COL27A1: variants seen among roughly 807,000 people sequenced by gnomAD.
COL27A1 encodes collagen type XXVII alpha 1 chain, also known as collagen alpha-1(XXVII) chain.
Under a neutral mutation model 251.3 loss-of-function variants are expected in COL27A1, and 106 were observed. That is an observed-to-expected ratio of 0.42 (90% confidence interval 0.36 to 0.50). The LOEUF (loss-of-function observed/expected upper bound fraction) is 0.50. COL27A1 is among the 20% of genes least tolerant of loss of function. The probability of loss-of-function intolerance (pLI) is 0.00; values close to 1 mark genes in which losing one functional copy is unlikely to be tolerated. For missense variants in COL27A1, 2,325 were observed against 2,522.8 expected (o/e 0.92, Z 1.68); for synonymous variants, 1,000 against 986.3 (o/e 1.01, Z -0.26).
chr9:114,269,401 A>G (rs958820295), intron 35 of COL27A1, 107 bp downstream of exon 35: 25 of 689,946 alleles, frequency 3.6e-5, no homozygotes, highest in Middle Eastern at 3.1e-4. Context: ...TTCCTCAGTT[A>G]CAGAAATAGA....
chr9:114,233,590 G>A (rs559091002), intron 16 of COL27A1, among the ~76,000 whole-genome samples: 12 of 152,332 alleles, frequency 7.9e-5, no homozygotes, highest in African/African-American at 2.4e-4. Context: ...AGTCATGGAC[G>A]AGAGAGAAAG....
At position 114,155,943 on chromosome 9, in the gene COL27A1, G is replaced by A; in HGVS notation, c.-8G>A. The A allele has an allele frequency of 7.9e-7, 1 of 1,264,564 alleles. No individual in the cohort carries two copies. The highest frequency in any genetic ancestry group is 1.0e-6 in the Non-Finnish European group (1 of 1,001,622). The allele number at this position is 1,264,564 out of a possible 1,614,324, so 78.3% of individuals were successfully genotyped here. On this transcript the variant is annotated 5_prime_UTR_variant, in exon 1 of 61. Coordinates refer to ENST00000356083, the MANE Select transcript of COL27A1 (RefSeq NM_032888.4). The surrounding 1 kb of genome is among the most constrained non-coding windows in gnomAD (Gnocchi z 5.5). ...CCCGGGCTCGGGAGCATGAAGTAGG[G>A]GCCTGCCATGGGAGCGGGATCGGCG...
At position 114,222,078 on chromosome 9, in the gene COL27A1, G is replaced by A. The variant is rs936165882; in HGVS notation, c.2422-145G>A. On this transcript the variant is annotated intron_variant, in intron 13 of 60. Transcript: ENST00000356083. ...GGTCCAAACTCCAGGCCAGGCTCAG[G>A]AAAGTCGCTGGAGCCTGTGGTCAGG... is the stretch of plus-strand genomic sequence containing the variant. 5 of 652,600 alleles carry A rather than the reference G, an allele frequency of 7.7e-6. No homozygotes were observed. The African/African-American group carries it at 8.9e-5, about 12-fold the overall frequency. 40.4% of individuals were successfully genotyped at this position (652,600 alleles called of 1,614,324 possible).
chr9:114,172,655 A>G (rs1849402035), intron 3 of COL27A1, among the ~76,000 whole-genome samples: 2 of 152,064 alleles, frequency 1.3e-5, no homozygotes, highest in African/African-American at 2.4e-5. Context: ...TTAGCCAGGC[A>G]TGGTGGTGTG....
Position 114,235,079 on chromosome 9 carries a change from C to CAAAAAAA in COL27A1, c.2566-506_2566-500dup, listed in dbSNP as rs34337576. Among the ~76,000 whole-genome samples, 5 of 88,228 alleles carry CAAAAAAA rather than the reference C, an allele frequency of 5.7e-5. 1 individual carries two copies. The highest frequency in any genetic ancestry group is 1.4e-4 in the Admixed American group (1 of 7,310). 57.9% of individuals were successfully genotyped at this position (88,228 alleles called of 152,430 possible). ...GAGCAACTAGAGTGAGACTCCATCT[C>CAAAAAAA]AAAAAAAAAAAAAAAAAAAATAGAC... On this transcript the variant is annotated intron_variant, in intron 16 of 60. Coordinates refer to ENST00000356083, the MANE Select transcript of COL27A1 (RefSeq NM_032888.4).
chr9:114,228,802 C>A (rs185618521), intron 14 of COL27A1, among the ~76,000 whole-genome samples: 3 of 152,278 alleles, frequency 2.0e-5, no homozygotes, highest in Non-Finnish European at 4.4e-5. Flanking sequence ...TTTGATGGGA[C>A]CTGAAAGCAG....
chr9:114,230,336 T>G (rs1831853703), intron 14 of COL27A1, among the ~76,000 whole-genome samples: 1 of 151,920 alleles, frequency 6.6e-6, no homozygotes. Context: ...CCCAGAGCCT[T>G]CCTTGCAGAG....
chr9:114,307,498 C>T, intron 58 of COL27A1, 171 bp from the exon 59 acceptor site: 1 of 610,284 alleles, frequency 1.6e-6, no homozygotes, highest in Non-Finnish European at 2.9e-6. Context: ...GAGCTCTGCC[C>T]AGAAGGTTTC....
intron 10 of COL27A1, chr9:114,209,421 G>A (rs1226281787): frequency 1.3e-6 from 1 of 750,778 alleles, no homozygotes; most frequent in East Asian, 2.6e-5. Flanking sequence ...CTGCCGGCGA[G>A]CGCCTGCGCC....
chr9:114,309,553 C>A, intron 60 of COL27A1, 75 bp downstream of exon 60: 2 of 1,103,290 alleles, frequency 1.8e-6, no homozygotes, highest in Non-Finnish European at 2.7e-6. Context: ...AAATGTGTTT[C>A]TATTATAAGA....
chr9:114,240,124 T>G, intron 19 of COL27A1, 96 bp from the exon 20 acceptor site: 1,154 of 1,090,778 alleles, frequency 1.1e-3, no homozygotes, highest in Non-Finnish European at 1.5e-3. Context: ...CCCAGCAGGA[T>G]GAGATGGAAA....
At chr9:114,277,269 C>T (rs750856064) in intron 37 of COL27A1, among the ~76,000 whole-genome samples, 3 of 152,058 alleles carry the variant, frequency 2.0e-5, no homozygotes, top group Non-Finnish European at 2.9e-5. Flanking sequence ...TAGGTGGCCT[C>T]GTAGACAAAA....
chr9:114,238,884 AC>A (rs1832571538), intron 19 of COL27A1, among the ~76,000 whole-genome samples: 1 of 152,316 alleles, frequency 6.6e-6, no homozygotes, highest in Admixed American at 6.5e-5. Context: ...TATTACCACC[AC>A]CAGTTTACAG....
chr9:114,256,279 C>G (rs989904224), intron 27 of COL27A1, among the ~76,000 whole-genome samples: 2 of 152,192 alleles, frequency 1.3e-5, no homozygotes, highest in African/African-American at 4.8e-5. Context: ...ATCACGAGGT[C>G]AGGAGATCAA....
At chr9:114,209,104 G>T (rs12001716) in intron 10 of COL27A1, among the ~76,000 whole-genome samples, 29,550 of 152,124 alleles carry the variant, frequency 0.19, 4,576 homozygotes, top group African/African-American at 0.43. Flanking sequence ...TTCTTTGTCT[G>T]TCCAGTGTGG....
chr9:114,182,972 G>A, intron 4 of COL27A1, 50 bp from the exon 5 acceptor site: 2 of 1,520,462 alleles, frequency 1.3e-6, no homozygotes, highest in South Asian at 1.1e-5. Context: ...AGGCGAGATG[G>A]CCCCTGTTTT....
intron 21 of COL27A1, 35 bp from the exon 22 acceptor site, chr9:114,242,152 C>T (rs1372381563): frequency 1.1e-5 from 17 of 1,569,698 alleles, no homozygotes; most frequent in Non-Finnish European, 1.4e-5. Flanking sequence ...GATTAACTTT[C>T]TCCTTTTTTC....
At chr9:114,264,268 C>A (rs1441008869) in intron 28 of COL27A1, 87 bp from the exon 29 acceptor site, 11 of 1,077,456 alleles carry the variant, frequency 1.0e-5, no homozygotes, top group Non-Finnish European at 1.3e-5. Flanking sequence ...GGGAAGGCCC[C>A]AGGCTTGGAG....
rs945973341 is a variant in COL27A1 at position 114,269,128 on chromosome 9, C to T, written c.3502-113C>T. Reference sequence around the variant, plus strand: ...TGTGGTCCCTGGGAAGAAGGACCTTCCCCAGCTCCTCCTCCCACACCCCAA... The same window carrying T: ...TGTGGTCCCTGGGAAGAAGGACCTTTCCCAGCTCCTCCTCCCACACCCCAA... On this transcript the variant is annotated intron_variant, in intron 34 of 60. Transcript: ENST00000356083. 5 of 590,074 alleles carry T rather than the reference C, an allele frequency of 8.5e-6. No homozygotes were observed. The Admixed American group carries it at 1.1e-4, about 13-fold the overall frequency. The allele number at this position is 590,074 out of a possible 1,614,324, so 36.6% of individuals were successfully genotyped here.
Sources: gnomAD v4.1 joint callset for allele counts (sites outside exome capture counted in the v4.1 genomes callset) on GRCh38, gnomAD v4.1.1 for gene constraint, Gnocchi (gnomAD v3.1) non-coding constraint, MANE v1.5 for transcripts, NCBI Gene and HGNC (gene_info 2026-07-23, HGNC 2026-07-21) for gene names.